The following SHISA9 variants were observed in gnomAD, a reference collection of about 807,000 sequenced individuals.
The protein encoded by SHISA9 is shisa family member 9, also known as protein shisa-9.
In SHISA9, 13 loss-of-function variants were observed where a neutral mutation model predicts 38.0. The ratio of observed to expected loss-of-function variants is 0.34; its 90% confidence interval spans 0.22 to 0.54. The LOEUF is 0.54. Among genes scored for constraint, SHISA9 ranks in the 20% least tolerant of loss-of-function variants. SHISA9 has a pLI of 0.91. For missense variants in SHISA9, 538 were observed against 575.8 expected (o/e 0.93, Z 0.67); for synonymous variants, 275 against 242.0 (o/e 1.14, Z -1.27).
chr16:13,128,602 A>C (rs748699167), intron 2 of SHISA9, among the ~76,000 whole-genome samples: 2 of 152,196 alleles, frequency 1.3e-5, no homozygotes, highest in African/African-American at 2.4e-5. Flanking sequence ...AGACAGCTGG[A>C]AAGAATTAGG....
At chr16:13,348,621 G>C in the SHISA9 span, among the ~76,000 whole-genome samples, 1 of 151,682 alleles carries the variant, frequency 6.6e-6, no homozygotes, top group African/African-American at 2.4e-5. Flanking sequence ...ACCACAGACA[G>C]AGACTGAATG....
chr16:12,956,835 C>T (rs905540051), intron 2 of SHISA9, among the ~76,000 whole-genome samples: 11 of 152,014 alleles, frequency 7.2e-5, no homozygotes, highest in African/African-American at 2.4e-4. Flanking sequence ...ACACAAAATA[C>T]CTATATACCC....
intron 2 of SHISA9, among the ~76,000 whole-genome samples, chr16:13,002,466 A>T (rs1040328458): frequency 6.6e-6 from 1 of 152,162 alleles, no homozygotes; most frequent in African/African-American, 2.4e-5. Flanking sequence ...TAATTAATAA[A>T]ACTTGATATG....
intron 2 of SHISA9, among the ~76,000 whole-genome samples, chr16:12,938,358 C>G (rs944150540): frequency 1.3e-5 from 2 of 152,212 alleles, no homozygotes; most frequent in African/African-American, 4.8e-5. Context: ...ATTTTGAGAA[C>G]TCAAGGCAAA....
At chr16:13,501,583 T>C in the SHISA9 span, among the ~76,000 whole-genome samples, 162 of 152,312 alleles carry the variant, frequency 1.1e-3, 2 homozygotes, top group East Asian at 0.017. Flanking sequence ...AACATTTTTG[T>C]TTGTCTTTTC....
At chr16:12,915,736 A>T (rs1169227852) in intron 1 of SHISA9, among the ~76,000 whole-genome samples, 1 of 152,264 alleles carries the variant, frequency 6.6e-6, no homozygotes, top group Non-Finnish European at 1.5e-5. Context: ...TTTCACATTC[A>T]GCAATATGGC....
the SHISA9 span, among the ~76,000 whole-genome samples, chr16:13,482,110 T>G: frequency 3.2e-4 from 49 of 152,342 alleles, no homozygotes; most frequent in East Asian, 9.3e-3. Flanking sequence ...CTGTAGAGAC[T>G]GACTAGGTCC....
At chr16:13,081,101 A>G (rs986411411) in intron 2 of SHISA9, among the ~76,000 whole-genome samples, 1 of 152,258 alleles carries the variant, frequency 6.6e-6, no homozygotes, top group African/African-American at 2.4e-5. Context: ...ATACAAAAAC[A>G]TTCAAATCAT....
downstream of SHISA9, among the ~76,000 whole-genome samples, chr16:13,243,821 G>T (rs190697872): frequency 7.6e-6 from 1 of 131,400 alleles, no homozygotes; most frequent in Non-Finnish European, 1.5e-5. Context: ...TCACCAGGCT[G>T]CAGTGCAGTG....
At position 13,235,210 on chromosome 16, in the gene SHISA9, C is replaced by T; in HGVS notation, c.1076C>T (p.Pro359Leu). 1.3e-6 allele frequency: 2 copies of T among 1,551,776 alleles called. No individual in the cohort carries two copies. Among genetic ancestry groups the T allele is most frequent in the South Asian group, 1.2e-5 (1 of 84,054 alleles). ...KSRTNKMPPH[P>L]LAYTSTTNFK... ...CGCACCAACAAGATGCCCCCACATC[C>T]CCTGGCCTACACCTCTACCACCAAC... The change falls in exon 5 of 5, where the codon CCC (proline) becomes CTC (leucine). Residue 359 changes from proline (P) to leucine (L), a missense_variant. Physicochemically the swap from Pro to Leu is moderately conservative, Grantham distance 98. This residue lies in a region of SHISA9 where 326 missense variants were observed against 305.9 expected (regional missense o/e 1.07). Coordinates refer to ENST00000558583, the MANE Select transcript of SHISA9 (RefSeq NM_001145204.3).
chr16:13,484,652 T>C, the SHISA9 span, among the ~76,000 whole-genome samples: 3 of 152,220 alleles, frequency 2.0e-5, no homozygotes, highest in East Asian at 1.9e-4. Context: ...AGAGATTTAA[T>C]TGGCTCACAG....
chr16:13,086,840 C>A (rs2073715954), intron 2 of SHISA9, among the ~76,000 whole-genome samples: 1 of 140,532 alleles, frequency 7.1e-6, no homozygotes, highest in Admixed American at 7.0e-5. Context: ...AAATTTATTT[C>A]ATCTGTTTTC....
the SHISA9 span, among the ~76,000 whole-genome samples, chr16:13,507,900 G>T: frequency 5.1e-4 from 78 of 152,286 alleles, 2 homozygotes; most frequent in South Asian, 0.015. Context: ...TGCCTTAGGT[G>T]CACACACTAT....
the SHISA9 span, among the ~76,000 whole-genome samples, chr16:13,288,265 G>A: frequency 6.6e-5 from 10 of 152,286 alleles, no homozygotes; most frequent in Middle Eastern, 3.4e-3. Flanking sequence ...CATAGACTGG[G>A]TGGCTTAAAC....
the SHISA9 span, among the ~76,000 whole-genome samples, chr16:13,409,528 G>C: frequency 6.6e-5 from 10 of 152,222 alleles, no homozygotes; most frequent in Admixed American, 6.5e-4. Flanking sequence ...GAGCAGTGGT[G>C]GTGACCCCAC....
intron 4 of SHISA9, among the ~76,000 whole-genome samples, chr16:13,231,317 T>C (rs2051329442): frequency 6.6e-6 from 1 of 152,238 alleles, no homozygotes; most frequent in Admixed American, 6.5e-5. Flanking sequence ...AGAGATGCTG[T>C]TGAATCCAGG....
intron 2 of SHISA9, among the ~76,000 whole-genome samples, chr16:12,944,622 G>A (rs1222725344): frequency 6.6e-6 from 1 of 152,172 alleles, no homozygotes; most frequent in African/African-American, 2.4e-5. Flanking sequence ...TGGGAAGGTA[G>A]CGTTCCATGA....
At chr16:13,077,320 G>A (rs2073594685) in intron 2 of SHISA9, among the ~76,000 whole-genome samples, 1 of 151,124 alleles carries the variant, frequency 6.6e-6, no homozygotes, top group Admixed American at 6.6e-5. Flanking sequence ...GGTAAAAGAT[G>A]ACTCCCTCAG....
At chr16:12,903,115 A>C (rs971488225) in intron 1 of SHISA9, 59 of 155,046 alleles carry the variant, frequency 3.8e-4, no homozygotes, top group Non-Finnish European at 6.6e-4. Context: ...GCCGCCTGCA[A>C]CTCGTACGAC....
Sources: gnomAD v4.1 joint callset for allele counts (sites outside exome capture counted in the v4.1 genomes callset) on GRCh38, gnomAD v4.1.1 for gene constraint, gnomAD v4.1.1 regional missense constraint, MANE v1.5 for transcripts, NCBI Gene and HGNC (gene_info 2026-07-23, HGNC 2026-07-21) for gene names.